CSMD1: variants seen among roughly 807,000 people sequenced by gnomAD.
CSMD1 encodes CUB and Sushi multiple domains 1.
CSMD1 carries 213 observed loss-of-function variants against 417.5 expected under a neutral mutation model. The ratio of observed to expected loss-of-function variants is 0.51; its 90% CI spans 0.46 to 0.57. CSMD1 has a LOEUF of 0.57. Ranked by LOEUF, CSMD1 falls within the 20% of genes least tolerant of loss-of-function variation. The pLI, the probability that CSMD1 is intolerant of heterozygous loss-of-function variation, is 0.00. For missense variants in CSMD1, 6,923 were observed against 4,529.7 expected (o/e 1.53, Z -15.17); for synonymous variants, 2,862 against 1,736.8 (o/e 1.65, Z -16.11).
intron 5 of CSMD1, among the ~76,000 whole-genome samples, chr8:3,966,501 G>A (rs974289531): frequency 6.6e-6 from 1 of 152,092 alleles, no homozygotes; most frequent in South Asian, 2.1e-4. Context: ...GGGAGAAACA[G>A]GAGAATCAGT....
chr8:3,758,422 A>G (rs1490657199), intron 5 of CSMD1, among the ~76,000 whole-genome samples: 2 of 152,206 alleles, frequency 1.3e-5, no homozygotes, highest in African/African-American at 4.8e-5. Context: ...AAATGTTCAT[A>G]GACTTTTGTT....
chr8:4,816,793 G>T (rs1054939507), intron 1 of CSMD1, among the ~76,000 whole-genome samples: 1 of 152,148 alleles, frequency 6.6e-6, no homozygotes, highest in Non-Finnish European at 1.5e-5. Context: ...AACAGGAAAA[G>T]ATGGGAGAGA....
chr8:3,195,521 T>C (rs1174045301), intron 33 of CSMD1, among the ~76,000 whole-genome samples: 1 of 152,220 alleles, frequency 6.6e-6, no homozygotes. Flanking sequence ...TGTGTGATGT[T>C]CGGCTTTTGC....
At chr8:4,409,472 C>T (rs955871988) in intron 3 of CSMD1, among the ~76,000 whole-genome samples, 1 of 152,124 alleles carries the variant, frequency 6.6e-6, no homozygotes, top group Non-Finnish European at 1.5e-5. Context: ...GAATGCCTAT[C>T]TACCTAAGTT....
intron 7 of CSMD1, among the ~76,000 whole-genome samples, chr8:3,683,062 G>A (rs1799749524): frequency 6.6e-6 from 1 of 151,968 alleles, no homozygotes; most frequent in Non-Finnish European, 1.5e-5. Flanking sequence ...GGGGGTAGAG[G>A]GAAGGGATAG....
In CSMD1 at chr8:4,893,957, C is replaced by CT. The variant is rs962185327; in HGVS notation, c.85+100374dup. Reference sequence around the variant, plus strand: ...GTTTAAATGTTGTAAAGCTTTTTGTCTTTTTTTTAGGTACAGATTTTCAAG... The same window carrying CT: ...GTTTAAATGTTGTAAAGCTTTTTGTCTTTTTTTTTAGGTACAGATTTTCAAG... On this transcript the variant is annotated intron_variant, in intron 1 of 69. Coordinates refer to ENST00000635120, the MANE Select transcript of CSMD1 (RefSeq NM_033225.6). Among the ~76,000 whole-genome samples the CT allele has an allele frequency of 2.6e-5, 4 of 151,736 alleles. No homozygotes were observed. The South Asian group carries it at 6.2e-4, about 24-fold the overall frequency.
At chr8:4,169,584 G>A (rs1301872412) in intron 3 of CSMD1, among the ~76,000 whole-genome samples, 2 of 152,050 alleles carry the variant, frequency 1.3e-5, no homozygotes, top group Admixed American at 6.5e-5. Context: ...TCTCAACACA[G>A]GCATTAGAAG....
intron 21 of CSMD1, among the ~76,000 whole-genome samples, chr8:3,357,910 G>A (rs900474027): frequency 1.2e-4 from 18 of 152,144 alleles, no homozygotes; most frequent in African/African-American, 4.1e-4. Context: ...AGACACAGAT[G>A]ATTTGATTCA....
At chr8:4,654,571 T>C (rs1804111296) in intron 1 of CSMD1, among the ~76,000 whole-genome samples, 1 of 152,116 alleles carries the variant, frequency 6.6e-6, no homozygotes, top group Non-Finnish European at 1.5e-5. Flanking sequence ...TGGAGGGATG[T>C]TGGTCTAATC....
chr8:4,054,757 G>A (rs1798604704), intron 3 of CSMD1, among the ~76,000 whole-genome samples: 1 of 152,058 alleles, frequency 6.6e-6, no homozygotes, highest in Non-Finnish European at 1.5e-5. Flanking sequence ...CATTCTCTGG[G>A]GGTTGATGAT....
intron 49 of CSMD1, among the ~76,000 whole-genome samples, chr8:3,063,400 G>C (rs1812719161): frequency 6.6e-6 from 1 of 152,140 alleles, no homozygotes; most frequent in South Asian, 2.1e-4. Context: ...ACTGTCAATA[G>C]GACTGTTAAA....
At chr8:3,882,193 CAAGA>C (rs1313151613) in intron 5 of CSMD1, among the ~76,000 whole-genome samples, 9 of 151,456 alleles carry the variant, frequency 5.9e-5, no homozygotes, top group Admixed American at 2.0e-4. Flanking sequence ...TACAAATCAA[CAAGA>C]AAGAGAGAGA....
chr8:3,767,811 C>G (rs1489620863), intron 5 of CSMD1, among the ~76,000 whole-genome samples: 2 of 152,102 alleles, frequency 1.3e-5, no homozygotes, highest in African/African-American at 4.8e-5. Flanking sequence ...GGGCTTCCAC[C>G]AGCACTGCAG....
intron 5 of CSMD1, among the ~76,000 whole-genome samples, chr8:3,813,216 A>C (rs750708152): frequency 4.4e-4 from 67 of 152,138 alleles, no homozygotes; most frequent in South Asian, 1.0e-3. Context: ...CCTTGCTAAT[A>C]AAAAAGAGGG....
At chr8:4,949,304 G>C (rs1025345100) in intron 1 of CSMD1, among the ~76,000 whole-genome samples, 2 of 117,206 alleles carry the variant, frequency 1.7e-5, no homozygotes, top group East Asian at 2.8e-4. Flanking sequence ...TAGCTGTTTT[G>C]TTAAAAAAAA....
intron 12 of CSMD1, 136 bp from the exon 13 acceptor site, chr8:3,409,741 A>G (rs13274162): frequency 0.042 from 26,387 of 629,912 alleles, 717 homozygotes; most frequent in Non-Finnish European, 0.055. Context: ...TCTAAAGGAT[A>G]TTCAATTGAT....
chr8:4,016,494 G>A (rs1412165568), intron 4 of CSMD1, among the ~76,000 whole-genome samples: 1 of 152,086 alleles, frequency 6.6e-6, no homozygotes, highest in Non-Finnish European at 1.5e-5. Context: ...CTTCCTGGAG[G>A]ACAAGGAGGT....
chr8:3,029,988 C>G (rs1216496064), intron 50 of CSMD1, among the ~76,000 whole-genome samples: 1 of 152,000 alleles, frequency 6.6e-6, no homozygotes, highest in African/African-American at 2.4e-5. Context: ...TATAATATAT[C>G]TATATATCAT....
intron 10 of CSMD1, among the ~76,000 whole-genome samples, chr8:3,561,531 A>G (rs1799465876): frequency 6.6e-6 from 1 of 152,228 alleles, no homozygotes; most frequent in Non-Finnish European, 1.5e-5. Flanking sequence ...ATGGAAAGTC[A>G]AATACCACAT....
Sources: gnomAD v4.1 joint callset for allele counts (sites outside exome capture counted in the v4.1 genomes callset) on GRCh38, gnomAD v4.1.1 for gene constraint, MANE v1.5 for transcripts, NCBI Gene and HGNC (gene_info 2026-07-23, HGNC 2026-07-21) for gene names.